CSNK1A1: variants seen among roughly 807,000 people sequenced by gnomAD.
The protein encoded by CSNK1A1 is casein kinase I isoform alpha.
In CSNK1A1, 7 loss-of-function variants were observed where a neutral mutation model predicts 46.1. The ratio of observed to expected loss-of-function variants is 0.15; its 90% CI spans 0.09 to 0.29. CSNK1A1 has a LOEUF of 0.29. Among genes scored for constraint, CSNK1A1 ranks in the 10% least tolerant of loss-of-function variants. CSNK1A1 has a pLI of 1.00. For missense variants in CSNK1A1, 96 were observed against 417.1 expected (o/e 0.23, Z 6.71); for synonymous variants, 137 against 141.5 (o/e 0.97, Z 0.23).
At chr5:149,512,632 A>G (rs75809850) in intron 5 of CSNK1A1, among the ~76,000 whole-genome samples, 20,390 of 152,240 alleles carry the variant, frequency 0.13, 1,498 homozygotes, top group Non-Finnish European at 0.17. Flanking sequence ...TGAGTGAAGT[A>G]TAACAGGAGA....
At chr5:149,526,222 T>C (rs1479775589) in intron 2 of CSNK1A1, among the ~76,000 whole-genome samples, 2 of 152,200 alleles carry the variant, frequency 1.3e-5, no homozygotes, top group African/African-American at 4.8e-5. Flanking sequence ...CTGCAGCCTT[T>C]GACCTTCTGG....
intron 4 of CSNK1A1, among the ~76,000 whole-genome samples, chr5:149,514,526 T>C (rs1165366927): frequency 6.6e-6 from 1 of 152,218 alleles, no homozygotes; most frequent in Non-Finnish European, 1.5e-5. Context: ...CCTAGTCTGT[T>C]GTTCTCTAGT....
intron 8 of CSNK1A1, among the ~76,000 whole-genome samples, chr5:149,505,828 A>C (rs1043232069): frequency 6.6e-6 from 1 of 152,226 alleles, no homozygotes; most frequent in Admixed American, 6.5e-5. Context: ...TACTTCCTAA[A>C]AACAAGTAAG....
At position 149,550,648 on chromosome 5, in the gene CSNK1A1, A is replaced by C. The variant is rs1050704639; in HGVS notation, c.123+194T>G. On this transcript the variant is annotated intron_variant, in intron 1 of 9. Coordinates refer to ENST00000377843, the MANE Select transcript of CSNK1A1 (RefSeq NM_001892.6). This position sits in a 1 kb window ranked among gnomAD's most constrained non-coding sequence, Gnocchi z 4.3. ...AACAAGGTGGGAAACTAGTTCCCCC[A>C]ACCTTTCTATCGGGTTCTTGACCCT... is the stretch of plus-strand genomic sequence containing the variant. Among the ~76,000 whole-genome samples, 1 of 151,702 alleles carries C rather than the reference A, an allele frequency of 6.6e-6. No individual in the cohort carries two copies. The highest frequency in any genetic ancestry group is 1.5e-5 in the Non-Finnish European group (1 of 67,960).
intron 9 of CSNK1A1, chr5:149,498,294 G>A (rs1389725932): frequency 3.0e-6 from 3 of 984,988 alleles, no homozygotes; most frequent in African/African-American, 3.5e-5. Context: ...TTTGTTGCCT[G>A]GGTACTAAGT....
chr5:149,542,612 A>ATG (rs1429394986), intron 2 of CSNK1A1, among the ~76,000 whole-genome samples: 1 of 11,516 alleles, frequency 8.7e-5, no homozygotes, highest in African/African-American at 6.7e-4. Context: ...ATATATATAT[A>ATG]TATATATATA....
intron 4 of CSNK1A1, among the ~76,000 whole-genome samples, chr5:149,519,708 A>G (rs1014928141): frequency 2.6e-5 from 4 of 152,130 alleles, no homozygotes; most frequent in African/African-American, 9.7e-5. Context: ...GGGGTGGAGA[A>G]CTCACCCAAT....
At chr5:149,512,762 C>G (rs1761269594) in intron 5 of CSNK1A1, among the ~76,000 whole-genome samples, 1 of 152,146 alleles carries the variant, frequency 6.6e-6, no homozygotes, top group Admixed American at 6.5e-5. Context: ...CCCCAAATAG[C>G]TCTAAAAATA....
intron 3 of CSNK1A1, among the ~76,000 whole-genome samples, chr5:149,524,618 A>G (rs1280202093): frequency 1.3e-5 from 2 of 152,114 alleles, no homozygotes; most frequent in Middle Eastern, 6.4e-3. Flanking sequence ...TCTTCCTTAT[A>G]TTACTTCAGG....
rs1044179773 is a variant in CSNK1A1, at chr5:149,551,062, G to A, written c.-98C>T. The A allele has an allele frequency of 5.0e-6, 7 of 1,406,260 alleles. No homozygotes were observed. Among genetic ancestry groups the A allele is most frequent in the Admixed American group, 2.0e-5 (1 of 50,380 alleles). The allele number at this position is 1,406,260 out of a possible 1,614,324, so 87.1% of individuals were successfully genotyped here. On this transcript the variant is annotated 5_prime_UTR_variant, in exon 1 of 10. Coordinates refer to ENST00000377843, the MANE Select transcript of CSNK1A1 (RefSeq NM_001892.6). The stretch of plus-strand genomic sequence containing the variant: ...CTACACTAGGCAAGGCTACGGAGGA[G>A]GGCGGCAGGAAACGGAACACGGAGG...
At chr5:149,535,854 G>C (rs998084340) in intron 2 of CSNK1A1, among the ~76,000 whole-genome samples, 1 of 151,584 alleles carries the variant, frequency 6.6e-6, no homozygotes, top group Non-Finnish European at 1.5e-5. Flanking sequence ...CCATGTTGGG[G>C]GGACTGGTCT....
At chr5:149,544,756 T>TACACAC (rs1297501355) in intron 2 of CSNK1A1, among the ~76,000 whole-genome samples, 1 of 92,286 alleles carries the variant, frequency 1.1e-5, no homozygotes, top group African/African-American at 4.0e-5. Flanking sequence ...TATATATATA[T>TACACAC]ATATATATAG....
intron 9 of CSNK1A1, chr5:149,505,150 TAATG>T (rs1760982462): frequency 1.2e-5 from 13 of 1,051,514 alleles, no homozygotes; most frequent in Non-Finnish European, 1.3e-5. Flanking sequence ...GAAAGGGGGT[TAATG>T]AATGAGTAAA....
At chr5:149,511,593 T>C (rs1460721897) in intron 6 of CSNK1A1, among the ~76,000 whole-genome samples, 1 of 152,238 alleles carries the variant, frequency 6.6e-6, no homozygotes, top group Non-Finnish European at 1.5e-5. Context: ...TAGAGGACAC[T>C]GTTCTTCAGC....
intron 2 of CSNK1A1, chr5:149,545,554 T>C: frequency 1.5e-6 from 1 of 686,534 alleles, no homozygotes; most frequent in East Asian, 2.9e-5. Flanking sequence ...GTGGACAATG[T>C]AGGCAAGTCA....
rs1561763085 is a variant in CSNK1A1 at position 149,525,247 on chromosome 5, G to C, written c.231-76C>G. On this transcript the variant is annotated intron_variant, in intron 2 of 9. Transcript: ENST00000377843. The surrounding 1 kb of genome is among the most constrained non-coding windows in gnomAD (Gnocchi z 4.2). Reference sequence around the variant, plus strand: ...TATCATCAACCCTAAGAATAATATAGTTTTCTTTCACTGACTAGGTATTAT... The same window carrying C: ...TATCATCAACCCTAAGAATAATATACTTTTCTTTCACTGACTAGGTATTAT... The C allele has an allele frequency of 7.4e-7, 1 of 1,348,566 alleles. No homozygotes were observed. 83.5% of individuals were successfully genotyped at this position (1,348,566 alleles called of 1,614,324 possible). A position where few individuals can be genotyped will look rare whatever the true frequency, so the allele number is the denominator to read the frequency against.
intron 4 of CSNK1A1, among the ~76,000 whole-genome samples, chr5:149,518,610 T>C (rs1761466755): frequency 6.6e-6 from 1 of 152,126 alleles, no homozygotes. Context: ...CTTAGTTGAG[T>C]AAAACACTTT....
At chr5:149,548,385 G>A (rs554796680) in intron 2 of CSNK1A1, among the ~76,000 whole-genome samples, 20 of 151,186 alleles carry the variant, frequency 1.3e-4, no homozygotes, top group Admixed American at 1.2e-3. Flanking sequence ...TGGCCAACAC[G>A]GCAAAACCTC....
intron 9 of CSNK1A1, chr5:149,501,986 G>T: frequency 1.1e-6 from 1 of 939,528 alleles, no homozygotes; most frequent in Non-Finnish European, 1.3e-6. Flanking sequence ...GATAATAAGT[G>T]GCATAAAGAG....
Sources: gnomAD v4.1 joint callset for allele counts (sites outside exome capture counted in the v4.1 genomes callset) on GRCh38, gnomAD v4.1.1 for gene constraint, Gnocchi (gnomAD v3.1) non-coding constraint, MANE v1.5 for transcripts, NCBI Gene and HGNC (gene_info 2026-07-23, HGNC 2026-07-21) for gene names.